GFOD1: variants seen among roughly 807,000 people sequenced by gnomAD.
The protein encoded by GFOD1 is Gfo/Idh/MocA-like oxidoreductase domain containing 1, also known as glucose-fructose oxidoreductase domain-containing protein 1.
GFOD1 carries 9 observed loss-of-function variants against 25.4 expected under a neutral mutation model. The ratio of observed to expected loss-of-function variants is 0.35; its 90% CI spans 0.21 to 0.62. The LOEUF is 0.62. Among genes scored for constraint, GFOD1 ranks in the 20% least tolerant of loss-of-function variants. The pLI, the probability that GFOD1 is intolerant of heterozygous loss-of-function variation, is 0.72. For synonymous variants in GFOD1, 253 were observed against 245.6 expected (o/e 1.03, Z -0.28); for missense variants, 403 against 556.9 (o/e 0.72, Z 2.78).
chr6:13,429,242 C>T (rs769642420), intron 1 of GFOD1, among the ~76,000 whole-genome samples: 4 of 152,200 alleles, frequency 2.6e-5, no homozygotes, highest in Middle Eastern at 3.2e-3. Context: ...GGAAACAGCG[C>T]CACAGGCTGC....
chr6:13,461,464 G>C (rs775195962), intron 1 of GFOD1, among the ~76,000 whole-genome samples: 14 of 152,192 alleles, frequency 9.2e-5, no homozygotes, highest in Admixed American at 5.2e-4. Flanking sequence ...GATTCCTCCA[G>C]TGCAGACTTG....
At chr6:13,393,337 C>G (rs1048013956) in intron 1 of GFOD1, among the ~76,000 whole-genome samples, 1 of 113,722 alleles carries the variant, frequency 8.8e-6, no homozygotes, top group African/African-American at 3.4e-5. Flanking sequence ...GCTTGAGGAA[C>G]AGAGCGAGAC....
intron 1 of GFOD1, among the ~76,000 whole-genome samples, chr6:13,432,079 T>A (rs938227172): frequency 6.6e-6 from 1 of 152,158 alleles, no homozygotes; most frequent in Non-Finnish European, 1.5e-5. Context: ...ACACACCACA[T>A]GGCTTCTGAA....
rs11756572 is a variant in GFOD1 at position 13,455,966 on chromosome 6, A to G, written c.253+30672T>C. On this transcript the variant is annotated intron_variant, in intron 1 of 1. Transcript: ENST00000379287. ...GTCTTGACTGCTGTTTATTCAGACA[A>G]GATTGCGGGGCATGATTTTGCTACA... 5.0e-3 allele frequency among the ~76,000 whole-genome samples: 756 copies of G among 152,300 alleles called. 1 individual carries two copies. The highest frequency in any genetic ancestry group is 9.3e-3 in the South Asian group (45 of 4,828).
chr6:13,408,053 C>T (rs569750742), intron 1 of GFOD1: 2 of 985,430 alleles, frequency 2.0e-6, no homozygotes, highest in East Asian at 2.3e-4. Flanking sequence ...AGAAATGTGC[C>T]CTTCCCTACT....
chr6:13,390,131 G>A (rs1375722109), intron 1 of GFOD1, among the ~76,000 whole-genome samples: 1 of 152,118 alleles, frequency 6.6e-6, no homozygotes, highest in Non-Finnish European at 1.5e-5. Context: ...AATACTTGCT[G>A]CCTGAGCCAG....
At chr6:13,451,687 C>T (rs1002159411) in intron 1 of GFOD1, among the ~76,000 whole-genome samples, 1 of 152,166 alleles carries the variant, frequency 6.6e-6, no homozygotes, top group Admixed American at 6.5e-5. Flanking sequence ...GGGGAGCAGG[C>T]GGGCAAGTCA....
At chr6:13,474,020 C>A (rs541509859) in intron 1 of GFOD1, among the ~76,000 whole-genome samples, 1 of 152,212 alleles carries the variant, frequency 6.6e-6, no homozygotes, top group Admixed American at 6.5e-5. Flanking sequence ...AAGCCCCTTC[C>A]GGGCCCCTTG....
intron 1 of GFOD1, among the ~76,000 whole-genome samples, chr6:13,378,951 C>A (rs1785307536): frequency 6.6e-6 from 1 of 151,950 alleles, no homozygotes; most frequent in Admixed American, 6.6e-5. Context: ...AGAACCCCAT[C>A]TGCTGCTGGT....
chr6:13,398,158 C>G (rs4715261), intron 1 of GFOD1, among the ~76,000 whole-genome samples: 92,323 of 152,110 alleles, frequency 0.61, 30,245 homozygotes, highest in Non-Finnish European at 0.73. Flanking sequence ...CTCTGAGCCT[C>G]GGCTTCCTCA....
chr6:13,368,225 C>T (rs190605904), intron 1 of GFOD1, among the ~76,000 whole-genome samples: 28 of 152,338 alleles, frequency 1.8e-4, no homozygotes, highest in African/African-American at 6.3e-4. Context: ...AGTTCTGGCC[C>T]TGAGTGAAAA....
intron 1 of GFOD1, among the ~76,000 whole-genome samples, chr6:13,477,549 C>G (rs2077906748): frequency 1.3e-5 from 2 of 152,062 alleles, no homozygotes; most frequent in Admixed American, 1.3e-4. Flanking sequence ...TAAAGGTCTA[C>G]AAACCTACCA....
At chr6:13,455,681 T>C (rs1021857996) in intron 1 of GFOD1, among the ~76,000 whole-genome samples, 1 of 152,130 alleles carries the variant, frequency 6.6e-6, no homozygotes, top group African/African-American at 2.4e-5. Context: ...AATAAATGTT[T>C]CAGCCAAATT....
intron 1 of GFOD1, among the ~76,000 whole-genome samples, chr6:13,458,318 A>C (rs919491571): frequency 6.6e-6 from 1 of 152,112 alleles, no homozygotes; most frequent in African/African-American, 2.4e-5. Flanking sequence ...CGGTTTCACC[A>C]TGTTGGCCAG....
intron 1 of GFOD1, among the ~76,000 whole-genome samples, chr6:13,464,989 C>T (rs1212735845): frequency 1.3e-5 from 2 of 152,068 alleles, no homozygotes; most frequent in Admixed American, 6.5e-5. Context: ...CTCTGAAATG[C>T]TACCTCCTCT....
chr6:13,404,085 C>A (rs1363259668), intron 1 of GFOD1, among the ~76,000 whole-genome samples: 1 of 152,208 alleles, frequency 6.6e-6, no homozygotes. Flanking sequence ...AGTTTGAAAT[C>A]AGCCTAATTT....
At chr6:13,390,436 C>CA (rs1048498224) in intron 1 of GFOD1, among the ~76,000 whole-genome samples, 4 of 151,050 alleles carry the variant, frequency 2.6e-5, no homozygotes, top group East Asian at 1.9e-4. Context: ...AAAAAAAATA[C>CA]AAAAAATAGC....
intron 1 of GFOD1, among the ~76,000 whole-genome samples, chr6:13,465,199 A>G (rs1278718568): frequency 6.9e-6 from 1 of 144,808 alleles, no homozygotes; most frequent in Non-Finnish European, 1.5e-5. Context: ...GCCACATACA[A>G]AATACAACAA....
chr6:13,418,693 T>C (rs115848568), intron 1 of GFOD1, among the ~76,000 whole-genome samples: 2,679 of 152,266 alleles, frequency 0.018, 88 homozygotes, highest in African/African-American at 0.058. Flanking sequence ...TGTGAGATGT[T>C]AAAGCTGGCA....
Sources: gnomAD v4.1 joint callset for allele counts (sites outside exome capture counted in the v4.1 genomes callset) on GRCh38, gnomAD v4.1.1 for gene constraint, MANE v1.5 for transcripts, NCBI Gene and HGNC (gene_info 2026-07-23, HGNC 2026-07-21) for gene names.